Variants in RHOXF1 observed in about 807,000 individuals in gnomAD.
RHOXF1 encodes the protein PEPP subfamily gene 1.
RHOXF1 carries 1 observed loss-of-function variant against 9.7 expected under a neutral mutation model. The observed-to-expected ratio is 0.10, with a 90% confidence interval of 0.04 to 0.49. The LOEUF is 0.49. Among genes scored for constraint, RHOXF1 ranks in the 20% least tolerant of loss-of-function variants. The pLI, the probability that RHOXF1 is intolerant of heterozygous loss-of-function variation, is 0.95. For missense variants in RHOXF1, 179 were observed against 168.0 expected, an observed-to-expected ratio of 1.07 and a Z score of -0.36; for synonymous variants, 72 against 70.2, an observed-to-expected ratio of 1.03 and a Z score of -0.13.
upstream of RHOXF1, among the ~76,000 whole-genome samples, chrX:120,118,154 T>G (rs781789911): frequency 8.9e-6 from 1 of 111,813 alleles, no homozygotes; most frequent in East Asian, 2.8e-4. Flanking sequence ...GCTTTGAAAG[T>G]GGGGCTTGGC....
chrX:120,116,560 C>T (rs1304927446), upstream of RHOXF1: 1 of 110,697 alleles, frequency 9.0e-6, no homozygotes, highest in African/African-American at 3.3e-5. Context: ...GAGAATATCT[C>T]ATGGCCTGAC....
chrX:120,117,808 A>G (rs1295127221), upstream of RHOXF1: 5 of 112,495 alleles, frequency 4.4e-5, no homozygotes, highest in African/African-American at 1.6e-4. Flanking sequence ...GCAGGAAAGG[A>G]CTACCAGTAA....
At chrX:120,109,865 G>A (rs1490849108) in intron 2 of RHOXF1, among the ~76,000 whole-genome samples, 1 of 111,815 alleles carries the variant, frequency 8.9e-6, no homozygotes, top group Non-Finnish European at 1.9e-5. Context: ...GATTACAAGC[G>A]TGAGCCACTG....
intron 1 of RHOXF1, among the ~76,000 whole-genome samples, chrX:120,115,053 G>A (rs1348705126): frequency 1.8e-5 from 2 of 111,489 alleles, no homozygotes; most frequent in African/African-American, 6.5e-5. Context: ...AATGGTGGTT[G>A]CCAAGGGCTG....
rs147476615 is a variant in RHOXF1, at chrX:120,109,275, A to G, written c.472T>C (p.Cys158Arg). 2 of 1,187,023 alleles carry G rather than the reference A, an allele frequency of 1.7e-6. No homozygotes were observed. Among genetic ancestry groups the G allele is most frequent in the African/African-American group, 3.5e-5 (2 of 56,844 alleles). The change falls in exon 3 of 3, where the codon TGT becomes CGT. Residue 158 changes from cysteine to arginine, a missense_variant. Transcript: ENST00000217999. ...ATTAATTCTCTCTGATGTCGCCTAC[A>G]TCTGGCCCTTTTATTCTTAAACCAA... is the stretch of plus-strand genomic sequence containing the variant. The part of the protein sequence containing the change: ...RVWFKNKRAR[C>R]RRHQRELMLA...
chrX:120,117,016 A>G (rs1206631439), upstream of RHOXF1, among the ~76,000 whole-genome samples: 1 of 111,474 alleles, frequency 9.0e-6, no homozygotes, highest in Non-Finnish European at 1.9e-5. Context: ...AGCTTACTGG[A>G]TGTGGGGCCA....
upstream of RHOXF1, among the ~76,000 whole-genome samples, chrX:120,117,143 C>T (rs1556000779): frequency 9.0e-6 from 1 of 111,213 alleles, no homozygotes; most frequent in East Asian, 2.8e-4. Context: ...CTAGTCCCAG[C>T]TACTCAGGAG....
At chrX:120,118,654 C>G (rs1556000954), upstream of RHOXF1, among the ~76,000 whole-genome samples, 2 of 111,396 alleles carry the variant, frequency 1.8e-5, no homozygotes, top group Non-Finnish European at 3.8e-5. Context: ...AAGATAATCT[C>G]TATCATCTTA....
At chrX:120,113,923 C>T (rs1475511070) in intron 1 of RHOXF1, among the ~76,000 whole-genome samples, 2 of 107,691 alleles carry the variant, frequency 1.9e-5, no homozygotes, top group Non-Finnish European at 3.9e-5. Flanking sequence ...GAAACCTTAT[C>T]TCTACACACA....
At chrX:120,115,379 C>A in intron 1 of RHOXF1, 86 bp downstream of exon 1, 16 of 793,364 alleles carry the variant, frequency 2.0e-5, no homozygotes, top group African/African-American at 2.1e-5. Flanking sequence ...GTGGCTTTTT[C>A]CTCATGATTG....
At chrX:120,110,925 A>T (rs1241787549) in intron 2 of RHOXF1, among the ~76,000 whole-genome samples, 1 of 111,953 alleles carries the variant, frequency 8.9e-6, no homozygotes, top group Admixed American at 9.4e-5. Flanking sequence ...CAAGTGTACC[A>T]CTGGTCAAAT....
intron 2 of RHOXF1, 124 bp from the exon 3 acceptor site, chrX:120,109,426 C>A: frequency 2.4e-6 from 1 of 423,899 alleles, no homozygotes; most frequent in Non-Finnish European, 4.2e-6. Flanking sequence ...AAGCTATTTC[C>A]TCATTGCTAA....
At chrX:120,114,591 G>A (rs782163965) in intron 1 of RHOXF1, among the ~76,000 whole-genome samples, 1,247 of 108,561 alleles carry the variant, frequency 0.011, 24 homozygotes, top group African/African-American at 0.04. Flanking sequence ...CAAAAAAAAA[G>A]AAAGAAAGAA....
upstream of RHOXF1, among the ~76,000 whole-genome samples, chrX:120,119,161 G>A (rs2057307652): frequency 8.9e-6 from 1 of 112,117 alleles, no homozygotes; most frequent in African/African-American, 3.2e-5. Flanking sequence ...GAGGCTGCAT[G>A]GTCATTTGTG....
chrX:120,119,655 G>C (rs2057309400), upstream of RHOXF1: 1 of 110,783 alleles, frequency 9.0e-6, no homozygotes, highest in Non-Finnish European at 1.9e-5. Flanking sequence ...TGCACTCCAT[G>C]ATTAAAACTC....
rs782801044 is a variant in RHOXF1 at position 120,115,625 on chromosome X, G to C, written c.238C>G (p.Gln80Glu). 3 of 1,168,923 alleles carry C rather than the reference G, an allele frequency of 2.6e-6. No individual in the cohort carries two copies. The African/African-American group carries it at 5.3e-5, about 21-fold the overall frequency. Residue 80 changes from glutamine (Q) to glutamate (E), a missense_variant, in exon 1 of 3, where the codon CAG becomes GAG. By Grantham distance (29) the Gln-to-Glu change is conservative (BLOSUM62 2). Coordinates refer to ENST00000217999, the MANE Select transcript of RHOXF1 (RefSeq NM_139282.3). ...GGCTCCTCCGGCGGGGGCTGCGGCTGCTGCCGAGGCTCCTGGTTTCCACCG... is the reference window on the plus strand; with the variant it reads ...GGCTCCTCCGGCGGGGGCTGCGGCTCCTGCCGAGGCTCCTGGTTTCCACCG... ...GGGGNQEPRQ[Q>E]PQPPPEEPAQ...
chrX:120,119,316 T>C (rs1244218620), upstream of RHOXF1, among the ~76,000 whole-genome samples: 2 of 111,853 alleles, frequency 1.8e-5, no homozygotes, highest in Non-Finnish European at 3.8e-5. Flanking sequence ...AAGTAGTGAG[T>C]GAAGCCATGA....
Position 120,109,051 on chromosome X carries a change from T to A in RHOXF1, c.*141A>T. Reference sequence around the variant, plus strand: ...CACAATTGGCACACAAAAACAAATATATTGAGAATTTGCCTCTTTATTGAT... The same window carrying A: ...CACAATTGGCACACAAAAACAAATAAATTGAGAATTTGCCTCTTTATTGAT... On this transcript the variant is annotated 3_prime_UTR_variant, in exon 3 of 3. Coordinates refer to ENST00000217999, the MANE Select transcript of RHOXF1 (RefSeq NM_139282.3). 2.8e-6 allele frequency: 1 copy of A among 363,381 alleles called. No homozygotes were observed. The highest frequency in any genetic ancestry group is 4.9e-6 in the Non-Finnish European group (1 of 202,381). The allele number at this position is 363,381 out of a possible 1,213,427, so 29.9% of individuals were successfully genotyped here.
Position 120,109,306 on chromosome X carries a change from C to A in RHOXF1, c.445-4G>T. The A allele has an allele frequency of 1.8e-6, 2 of 1,095,998 alleles. No individual in the cohort carries two copies. The highest frequency in any genetic ancestry group is 2.5e-6 in the Non-Finnish European group (2 of 794,753). The allele number at this position is 1,095,998 out of a possible 1,213,427, so 90.3% of individuals were successfully genotyped here. On this transcript the variant is annotated splice_polypyrimidine_tract_variant and splice_region_variant and intron_variant, in intron 2 of 2. Coordinates refer to ENST00000217999, the MANE Select transcript of RHOXF1 (RefSeq NM_139282.3). ...CCCTTTTATTCTTAAACCAAACCTA[C>A]AATCAGAGGGAAAAGGGGATTGGTT...
Sources: gnomAD v4.1 joint callset for allele counts (sites outside exome capture counted in the v4.1 genomes callset) on GRCh38, gnomAD v4.1.1 for gene constraint, MANE v1.5 for transcripts, NCBI Gene and HGNC (gene_info 2026-07-23, HGNC 2026-07-21) for gene names.